MACF1: variants seen among roughly 807,000 people sequenced by gnomAD.
MACF1 encodes microtubule-actin cross-linking factor 1.
Under a neutral mutation model 854.8 loss-of-function variants are expected in MACF1, and 193 were observed. That is an observed-to-expected ratio of 0.23 (90% CI 0.20 to 0.25). MACF1 has a LOEUF of 0.25. Among genes scored for constraint, MACF1 ranks in the 10% least tolerant of loss-of-function variants. The pLI is 1.00. For missense variants in MACF1, 7,722 were observed against 8,929.1 expected, an observed-to-expected ratio of 0.86 and a Z score of 5.45; for synonymous variants, 3,185 against 3,226.7, an observed-to-expected ratio of 0.99 and a Z score of 0.44.
intron 58 of MACF1, among the ~76,000 whole-genome samples, chr1:39,407,500 C>T (rs1378435324): frequency 4.6e-5 from 7 of 152,242 alleles, no homozygotes; most frequent in African/African-American, 7.2e-5. Context: ...ACAACCTAGT[C>T]GGCCTCCCCA....
At position 39,477,088 on chromosome 1, in the gene MACF1, T is replaced by TAC. The variant is rs1201388658; in HGVS notation, c.21959-2709_21959-2708insCA. ...ATATATATATATATATATATATATA[T>TAC]ATACACACACACACATATATACACT... On this transcript the variant is annotated intron_variant, in intron 97 of 100. Transcript: ENST00000564288. 8.3e-3 allele frequency among the ~76,000 whole-genome samples: 132 copies of TAC among 15,866 alleles called. 4 individuals carry two copies. The highest frequency in any genetic ancestry group is 9.3e-3 in the Non-Finnish European group (58 of 6,212). The allele number at this position is 15,866 out of a possible 152,430, so 10.4% of individuals were successfully genotyped here.
chr1:39,159,295 G>T (rs558079151), intron 2 of MACF1, among the ~76,000 whole-genome samples: 1 of 152,362 alleles, frequency 6.6e-6, no homozygotes, highest in South Asian at 2.1e-4. Context: ...AGAGGGCTCA[G>T]GGCACTCCCT....
Position 39,411,916 on chromosome 1 carries a change from G to A in MACF1, c.15817-10458G>A, listed in dbSNP as rs1241394826. On this transcript the variant is annotated intron_variant, in intron 58 of 100. Transcript: ENST00000564288. The stretch of plus-strand genomic sequence containing the variant: ...CCTGGATTCTTCTCAGGTGCCTAAT[G>A]CTGTGGAACTTATTGCCCACGTTGA... 102 of 1,613,814 alleles carry A rather than the reference G, an allele frequency of 6.3e-5. 1 individual carries two copies. The highest frequency in any genetic ancestry group is 8.5e-5 in the Non-Finnish European group (100 of 1,179,898).
chr1:39,404,540 G>C (rs1455859585), intron 58 of MACF1, among the ~76,000 whole-genome samples: 1 of 152,058 alleles, frequency 6.6e-6, no homozygotes, highest in Non-Finnish European at 1.5e-5. Context: ...CGCCAGGCTA[G>C]AGTGCAATGA....
At chr1:39,094,446 G>A (rs1300034492) in intron 2 of MACF1, among the ~76,000 whole-genome samples, 2 of 151,164 alleles carry the variant, frequency 1.3e-5, no homozygotes, top group African/African-American at 2.4e-5. Flanking sequence ...ATCGGGCCGC[G>A]CATGGTGGCT....
At chr1:39,160,977 C>G (rs557553728) in intron 2 of MACF1, among the ~76,000 whole-genome samples, 1 of 152,268 alleles carries the variant, frequency 6.6e-6, no homozygotes, top group Admixed American at 6.5e-5. Context: ...GTAGACATTC[C>G]TCCATCTAGT....
At chr1:39,479,442 G>A (rs1372260440) in intron 97 of MACF1, among the ~76,000 whole-genome samples, 1 of 152,210 alleles carries the variant, frequency 6.6e-6, no homozygotes, top group Non-Finnish European at 1.5e-5. Context: ...CTAAGAGAGA[G>A]AAAAGAGGGG....
At chr1:39,109,428 C>A (rs1642335843) in intron 2 of MACF1, among the ~76,000 whole-genome samples, 1 of 152,088 alleles carries the variant, frequency 6.6e-6, no homozygotes, top group African/African-American at 2.4e-5. Context: ...CGCCACCATG[C>A]CTGGCTAATT....
chr1:39,092,563 A>G (rs980952908), intron 2 of MACF1, among the ~76,000 whole-genome samples: 4 of 152,202 alleles, frequency 2.6e-5, no homozygotes, highest in African/African-American at 9.6e-5. Flanking sequence ...AACATGTACA[A>G]TATGCCCTTT....
chr1:39,398,244 T>C (rs1642349596), intron 58 of MACF1, among the ~76,000 whole-genome samples: 1 of 151,562 alleles, frequency 6.6e-6, no homozygotes, highest in East Asian at 1.9e-4. Context: ...TCTCAAGTGA[T>C]CCTCCTGCCT....
At chr1:39,094,416 A>AG (rs1557448254) in intron 2 of MACF1, among the ~76,000 whole-genome samples, 4 of 151,160 alleles carry the variant, frequency 2.6e-5, no homozygotes, top group African/African-American at 9.8e-5. Flanking sequence ...AAAAAAAAAA[A>AG]GAAAAGAAAA....
intron 57 of MACF1, among the ~76,000 whole-genome samples, chr1:39,386,300 A>G (rs1395534025): frequency 6.7e-6 from 1 of 148,644 alleles, no homozygotes; most frequent in African/African-American, 2.5e-5. Context: ...TCGCTCTGTC[A>G]CCCAGGCTGG....
chr1:39,090,923 T>C (rs1641787003), intron 2 of MACF1, among the ~76,000 whole-genome samples: 1 of 152,222 alleles, frequency 6.6e-6, no homozygotes, highest in African/African-American at 2.4e-5. Flanking sequence ...TTGCTGTGGC[T>C]AGGGCCTGCC....
At chr1:39,348,674 G>A (rs1236862919) in intron 41 of MACF1, among the ~76,000 whole-genome samples, 1 of 152,228 alleles carries the variant, frequency 6.6e-6, no homozygotes, top group Non-Finnish European at 1.5e-5. Flanking sequence ...AGCGCCATCA[G>A]AAGGTAGAAA....
intron 2 of MACF1, among the ~76,000 whole-genome samples, chr1:39,085,409 T>C (rs886942458): frequency 6.6e-6 from 1 of 152,170 alleles, no homozygotes; most frequent in Non-Finnish European, 1.5e-5. Context: ...GCTAATTCAG[T>C]GACATCACCC....
chr1:39,136,229 G>A (rs1643163655), intron 2 of MACF1, among the ~76,000 whole-genome samples: 1 of 152,184 alleles, frequency 6.6e-6, no homozygotes, highest in Non-Finnish European at 1.5e-5. Context: ...AAGAGCCTTA[G>A]CAGAAGGGCC....
rs754741406 is a variant in MACF1 at position 39,331,810 on chromosome 1, A to C, written c.5222A>C (p.Lys1741Thr). The change falls in exon 37 of 101, where the codon AAA becomes ACA. Residue 1741 changes from lysine (K) to threonine (T), a missense_variant. Physicochemically the swap from Lys to Thr is moderately conservative, Grantham distance 78. Transcript: ENST00000564288. ...TTGGCAGGGGGGATGGTGAGCTTGA[A>C]ATCAGGCCGGAAGGTTAGCATTTTC... ...KQLAGGMVSL[K>T]SGRKVSIFRA... The C allele has an allele frequency of 1.3e-5, 21 of 1,614,028 alleles. No homozygotes were observed. In the South Asian group the frequency reaches 2.3e-4, roughly 18 times the overall value.
chr1:39,415,952 G>C (rs979572212), intron 58 of MACF1, among the ~76,000 whole-genome samples: 1 of 152,170 alleles, frequency 6.6e-6, no homozygotes, highest in African/African-American at 2.4e-5. Flanking sequence ...CTGAATGCAT[G>C]AATATCAATT....
intron 2 of MACF1, among the ~76,000 whole-genome samples, chr1:39,233,720 A>G (rs1644812698): frequency 6.6e-6 from 1 of 150,730 alleles, no homozygotes; most frequent in Non-Finnish European, 1.5e-5. Flanking sequence ...GCCTAAGCCA[A>G]AGGCAAGTGT....
Sources: gnomAD v4.1 joint callset for allele counts (sites outside exome capture counted in the v4.1 genomes callset) on GRCh38, gnomAD v4.1.1 for gene constraint, MANE v1.5 for transcripts, NCBI Gene and HGNC (gene_info 2026-07-23, HGNC 2026-07-21) for gene names.